The following MCOLN3 variants were observed in gnomAD, a reference collection of about 807,000 sequenced individuals.
MCOLN3 encodes the protein mucolipin-3.
A neutral mutation model predicts 69.4 loss-of-function variants in MCOLN3; 62 were observed. The ratio of observed to expected loss-of-function variants is 0.89; its 90% confidence interval spans 0.73 to 1.10. MCOLN3 has a LOEUF of 1.10. MCOLN3 is among the 50% of genes least tolerant of loss of function. MCOLN3 has a pLI of 0.00. For missense variants in MCOLN3, 564 were observed against 656.4 expected, an observed-to-expected ratio of 0.86 and a Z score of 1.54; for synonymous variants, 183 against 217.0, an observed-to-expected ratio of 0.84 and a Z score of 1.38.
intron 9 of MCOLN3, among the ~76,000 whole-genome samples, chr1:85,024,115 C>T (rs1174047751): frequency 2.6e-5 from 4 of 151,230 alleles, no homozygotes; most frequent in Admixed American, 6.6e-5. Flanking sequence ...GCTATAATCG[C>T]GCCACTGCAC....
chr1:85,033,634 G>GATGC (rs1317896252), intron 4 of MCOLN3, among the ~76,000 whole-genome samples: 3 of 152,274 alleles, frequency 2.0e-5, no homozygotes, highest in Non-Finnish European at 1.5e-5. Flanking sequence ...TACCCCCAAA[G>GATGC]ATGCATGATA....
chr1:85,021,852 G>A (rs531732202), intron 11 of MCOLN3, among the ~76,000 whole-genome samples: 1 of 152,216 alleles, frequency 6.6e-6, no homozygotes, highest in East Asian at 1.9e-4. Flanking sequence ...TTAATTACCT[G>A]ATATATTGCA....
At chr1:85,036,440 C>A (rs775998028) in intron 3 of MCOLN3, among the ~76,000 whole-genome samples, 3 of 152,172 alleles carry the variant, frequency 2.0e-5, no homozygotes, top group Non-Finnish European at 4.4e-5. Context: ...CTGCCCACCT[C>A]AACCTCCCAA....
At position 85,029,142 on chromosome 1, in the gene MCOLN3, T is replaced by G; in HGVS notation, c.796A>C (p.Ile266Leu). ...IKISLDNDISIRECKDWHVSG... is the reference protein window; with the variant it reads ...IKISLDNDISLRECKDWHVSG... Reference sequence around the variant, plus strand: ...ACATGCCAGTCTTTACATTCTCTGATGGAAATGTCATTATCTAAACTTATT... The same window carrying G: ...ACATGCCAGTCTTTACATTCTCTGAGGGAAATGTCATTATCTAAACTTATT... The change falls in exon 7 of 13, where the codon ATC (isoleucine) becomes CTC (leucine). Residue 266 changes from isoleucine (I) to leucine (L), a missense_variant. By Grantham distance (5) the Ile-to-Leu change is conservative. Coordinates refer to ENST00000370589, the MANE Select transcript of MCOLN3 (RefSeq NM_018298.11). The G allele has an allele frequency of 6.2e-7, 1 of 1,605,904 alleles. No homozygotes were observed. The highest frequency in any genetic ancestry group is 8.5e-7 in the Non-Finnish European group (1 of 1,172,624).
At chr1:85,041,258 A>G in intron 2 of MCOLN3, 81 bp from the exon 3 acceptor site, 1 of 1,125,812 alleles carries the variant, frequency 8.9e-7, no homozygotes, top group Middle Eastern at 2.0e-4. Context: ...GGGCTTGAAC[A>G]ACAAATAGAA....
At chr1:85,047,593 G>A (rs1332834257) in intron 1 of MCOLN3, 1 of 152,312 alleles carries the variant, frequency 6.6e-6, no homozygotes, top group Non-Finnish European at 1.5e-5. Flanking sequence ...GGCGGGCAGA[G>A]GCTTGATTGG....
chr1:85,020,795 T>C (rs911981428), intron 12 of MCOLN3, among the ~76,000 whole-genome samples: 2 of 152,376 alleles, frequency 1.3e-5, no homozygotes, highest in South Asian at 2.1e-4. Flanking sequence ...TTTAGTTTTT[T>C]ACTCTTTGCC....
At chr1:85,044,246 GC>G (rs1444674708) in intron 2 of MCOLN3, among the ~76,000 whole-genome samples, 2 of 152,144 alleles carry the variant, frequency 1.3e-5, no homozygotes, top group African/African-American at 2.4e-5. Flanking sequence ...TGTAAAAATT[GC>G]CTTGGTTCCC....
At position 85,028,722 on chromosome 1, in the gene MCOLN3, TC is replaced by T. The variant is rs1245829771; in HGVS notation, c.832+383del. On this transcript the variant is annotated intron_variant, in intron 7 of 12. Transcript: ENST00000370589. ...TGGCTTCTGAGCCTTAGTTTCTTCATCTGTAAAAATAAGGATTCTCCCTATC... is the reference window on the plus strand; with the variant it reads ...TGGCTTCTGAGCCTTAGTTTCTTCATTGTAAAAATAAGGATTCTCCCTATC... Among the ~76,000 whole-genome samples the T allele has an allele frequency of 5.3e-5, 8 of 152,286 alleles. No homozygotes were observed. The East Asian group carries it at 1.5e-3, about 29-fold the overall frequency.
intron 3 of MCOLN3, among the ~76,000 whole-genome samples, chr1:85,037,359 C>T (rs560616273): frequency 1.2e-4 from 18 of 152,166 alleles, no homozygotes; most frequent in East Asian, 3.9e-4. Flanking sequence ...GCAGGGGTCA[C>T]GACGCACAGT....
intron 3 of MCOLN3, among the ~76,000 whole-genome samples, chr1:85,038,836 CA>C (rs959781893): frequency 1.4e-4 from 21 of 150,298 alleles, no homozygotes; most frequent in Admixed American, 1.1e-3. Context: ...ACTAAAAATA[CA>C]AAAAAAAATT....
At chr1:85,020,551 C>T (rs1047949213) in intron 12 of MCOLN3, among the ~76,000 whole-genome samples, 34 of 152,212 alleles carry the variant, frequency 2.2e-4, no homozygotes, top group Non-Finnish European at 2.9e-4. Flanking sequence ...CTGTATAAAG[C>T]TACATGCTAG....
At position 85,034,245 on chromosome 1, in the gene MCOLN3, G is replaced by T; in HGVS notation, c.403C>A (p.Gln135Lys). ...TTCCCAACGGAGACATTGTATAGCT[G>T]CAAGTACTTCAACCAAAATGAGAAA... ...QLIFAVNQYL[Q>K]LYNVSVGNHA... Residue 135 changes from glutamine to lysine, a missense_variant, in exon 4 of 13, where the codon CAG becomes AAG. Gln to Lys is a moderately conservative substitution (Grantham distance 53, BLOSUM62 1). Coordinates refer to ENST00000370589, the MANE Select transcript of MCOLN3 (RefSeq NM_018298.11). The T allele has an allele frequency of 1.2e-6, 2 of 1,614,098 alleles. No homozygotes were observed. Among genetic ancestry groups the T allele is most frequent in the South Asian group, 1.1e-5 (1 of 91,064 alleles).
chr1:85,018,926 A>T lies in MCOLN3; in HGVS notation c.*197T>A, dbSNP rs1418580126. On this transcript the variant is annotated 3_prime_UTR_variant, in exon 13 of 13. Transcript: ENST00000370589. ...TAGCTTTCCTCATTAAAGTTTTTTT[A>T]AAAACAATCCCAGCATAAAGTTGCA... 3.8e-6 allele frequency: 2 copies of T among 521,802 alleles called. No individual in the cohort carries two copies. The highest frequency in any genetic ancestry group is 6.5e-6 in the Non-Finnish European group (2 of 307,208). 32.3% of individuals were successfully genotyped at this position (521,802 alleles called of 1,614,324 possible).
At chr1:85,048,023 C>T (rs1406897477) in intron 1 of MCOLN3, among the ~76,000 whole-genome samples, 1 of 152,242 alleles carries the variant, frequency 6.6e-6, no homozygotes, top group Non-Finnish European at 1.5e-5. Context: ...TCTGGAGCCC[C>T]GGCCGGCATC....
chr1:85,044,229 A>G (rs1423813170), intron 2 of MCOLN3, among the ~76,000 whole-genome samples: 3 of 152,248 alleles, frequency 2.0e-5, no homozygotes, highest in Non-Finnish European at 4.4e-5. Flanking sequence ...TACCAACTTC[A>G]TATGATTGTA....
intron 12 of MCOLN3, among the ~76,000 whole-genome samples, chr1:85,020,304 C>T (rs943365079): frequency 6.6e-6 from 1 of 152,206 alleles, no homozygotes. Context: ...CAAACCAAGG[C>T]GTTCTCTTTA....
intron 4 of MCOLN3, 105 bp downstream of exon 4, chr1:85,033,993 C>T (rs903263090): frequency 6.6e-6 from 8 of 1,217,934 alleles, no homozygotes; most frequent in East Asian, 2.5e-5. Context: ...CTTACTATGT[C>T]CTAATATCAC....
intron 2 of MCOLN3, among the ~76,000 whole-genome samples, chr1:85,043,082 G>A (rs1019071819): frequency 6.6e-6 from 1 of 152,088 alleles, no homozygotes; most frequent in Non-Finnish European, 1.5e-5. Context: ...AAGTAATTAC[G>A]AACATAAATC....
Sources: gnomAD v4.1 joint callset for allele counts (sites outside exome capture counted in the v4.1 genomes callset) on GRCh38, gnomAD v4.1.1 for gene constraint, MANE v1.5 for transcripts, NCBI Gene and HGNC (gene_info 2026-07-23, HGNC 2026-07-21) for gene names.